SOX5: variants seen among roughly 807,000 people sequenced by gnomAD.
The protein encoded by SOX5 is transcription factor SOX-5.
Under a neutral mutation model 92.0 loss-of-function variants are expected in SOX5, and 9 were observed. The observed-to-expected ratio is 0.10, with a 90% confidence interval of 0.06 to 0.17. The LOEUF is 0.17. Ranked by LOEUF, SOX5 falls within the 10% of genes least tolerant of loss-of-function variation. The pLI, the probability that SOX5 is intolerant of heterozygous loss-of-function variation, is 1.00. For synonymous variants in SOX5, 344 were observed against 336.3 expected (o/e 1.02, Z -0.25); for missense variants, 642 against 944.5 (o/e 0.68, Z 4.20).
At chr12:23,707,322 T>C (rs1344447669) in intron 6 of SOX5, among the ~76,000 whole-genome samples, 1 of 152,144 alleles carries the variant, frequency 6.6e-6, no homozygotes, top group African/African-American at 2.4e-5. Flanking sequence ...TGGCATAGGA[T>C]TGGATTTTTA....
At chr12:24,343,556 G>A (rs1952823949) in intron 2 of SOX5, among the ~76,000 whole-genome samples, 1 of 151,924 alleles carries the variant, frequency 6.6e-6, no homozygotes, top group South Asian at 2.1e-4. Context: ...AGATATCTGT[G>A]GAACTAAGCC....
chr12:23,876,048 T>C (rs2096923495), intron 2 of SOX5, among the ~76,000 whole-genome samples: 1 of 152,214 alleles, frequency 6.6e-6, no homozygotes, highest in South Asian at 2.1e-4. Flanking sequence ...TTGTAGTTTG[T>C]TGACCCCTAA....
At chr12:24,109,072 TAAC>T (rs1947023410) in intron 4 of SOX5, among the ~76,000 whole-genome samples, 1 of 152,188 alleles carries the variant, frequency 6.6e-6, no homozygotes, top group Non-Finnish European at 1.5e-5. Context: ...CCTAATGTTT[TAAC>T]AACATTTTAC....
intron 6 of SOX5, among the ~76,000 whole-genome samples, chr12:23,714,202 A>T (rs1445311230): frequency 6.6e-6 from 1 of 152,138 alleles, no homozygotes; most frequent in African/African-American, 2.4e-5. Context: ...GTACAGAATA[A>T]TTTTTCTTCT....
rs1033005973 is a variant in SOX5, at chr12:23,958,427, A to G, written c.-1-62403T>C. ...TTATGACCTAGTCCAGTATATGGAC[A>G]TCCTAGTCTGCTTCATTAACAATTA... On this transcript the variant is annotated intron_variant, in intron 4 of 4. Transcript: ENST00000446891. Among the ~76,000 whole-genome samples the G allele has an allele frequency of 2.6e-5, 4 of 152,204 alleles. No homozygotes were observed. The East Asian group carries it at 7.7e-4, about 29-fold the overall frequency.
At chr12:24,000,381 T>G (rs1156582107) in intron 4 of SOX5, among the ~76,000 whole-genome samples, 1 of 152,026 alleles carries the variant, frequency 6.6e-6, no homozygotes, top group Non-Finnish European at 1.5e-5. Context: ...TTTCTTAGTA[T>G]ATATGTAAAT....
upstream of SOX5, among the ~76,000 whole-genome samples, chr12:23,952,622 T>C (rs1945799555): frequency 6.6e-6 from 1 of 152,122 alleles, no homozygotes; most frequent in South Asian, 2.1e-4. Flanking sequence ...AAAAGACAAA[T>C]TATTTCTTGC....
At chr12:24,323,309 G>GTA (rs200845678) in intron 2 of SOX5, among the ~76,000 whole-genome samples, 127 of 149,192 alleles carry the variant, frequency 8.5e-4, no homozygotes, top group South Asian at 8.5e-4. Flanking sequence ...ATATATATAT[G>GTA]TATATATATA....
intron 2 of SOX5, among the ~76,000 whole-genome samples, chr12:23,872,778 T>C (rs1419840971): frequency 2.6e-5 from 4 of 152,184 alleles, no homozygotes; most frequent in Admixed American, 6.5e-5. Context: ...GGAAGATCGA[T>C]GTCTTTGAAA....
chr12:24,371,082 C>G (rs931661190), intron 1 of SOX5, among the ~76,000 whole-genome samples: 11 of 152,284 alleles, frequency 7.2e-5, no homozygotes, highest in Admixed American at 2.0e-4. Flanking sequence ...CTACATGACC[C>G]TTACCTAATC....
chr12:23,568,781 A>C (rs1302878254), intron 10 of SOX5, among the ~76,000 whole-genome samples: 1 of 151,968 alleles, frequency 6.6e-6, no homozygotes, highest in Non-Finnish European at 1.5e-5. Flanking sequence ...CATGAAAGCC[A>C]CCTGATATCT....
At chr12:23,922,590 T>A (rs781544581) in intron 1 of SOX5, among the ~76,000 whole-genome samples, 25 of 152,350 alleles carry the variant, frequency 1.6e-4, no homozygotes, top group African/African-American at 5.3e-4. Context: ...TTGAAACCAG[T>A]CTTTAGACGC....
Position 24,017,624 on chromosome 12 carries a change from CAT to C in SOX5, c.-1-121602_-1-121601del, listed in dbSNP as rs562060265. ...CAAAAAATAAAATAAAATAAAATAA[CAT>C]AAAATAAAATGAAATTAAAAAAGAA... On this transcript the variant is annotated intron_variant, in intron 4 of 4. Transcript: ENST00000446891. Among the ~76,000 whole-genome samples the C allele has an allele frequency of 6.0e-3, 913 of 151,612 alleles. 5 individuals carry two copies. Among genetic ancestry groups the C allele is most frequent in the Non-Finnish European group, 8.6e-3 (581 of 67,860 alleles).
At chr12:24,112,105 C>T (rs760882265) in intron 4 of SOX5, among the ~76,000 whole-genome samples, 5 of 152,142 alleles carry the variant, frequency 3.3e-5, no homozygotes, top group African/African-American at 4.8e-5. Context: ...ACCATGGCTT[C>T]GCTATCAAAG....
At chr12:24,455,158 G>A (rs1039432453) in intron 1 of SOX5, among the ~76,000 whole-genome samples, 1 of 152,112 alleles carries the variant, frequency 6.6e-6, no homozygotes, top group Non-Finnish European at 1.5e-5. Flanking sequence ...TACCTTCCCT[G>A]CAGGGTCGCA....
chr12:24,132,190 C>T (rs768373347), intron 4 of SOX5, among the ~76,000 whole-genome samples: 4 of 152,018 alleles, frequency 2.6e-5, no homozygotes, highest in South Asian at 2.1e-4. Flanking sequence ...AATACAGAAA[C>T]GATAGATAAT....
rs551247304 is a variant in SOX5 at position 24,378,231 on chromosome 12, T to A, written c.-250-9592A>T. On this transcript the variant is annotated intron_variant, in intron 1 of 4. Transcript: ENST00000446891. The stretch of plus-strand genomic sequence containing the variant: ...CCTATCCAGGGATACTTTTCAAAGT[T>A]TCTCAAATTTCATTAATAACCGGGG... 7.2e-5 allele frequency among the ~76,000 whole-genome samples: 11 copies of A among 152,332 alleles called. No individual in the cohort carries two copies. The South Asian group carries it at 2.3e-3, about 32-fold the overall frequency.
chr12:24,295,946 C>T (rs1019997499), intron 2 of SOX5, among the ~76,000 whole-genome samples: 3 of 151,968 alleles, frequency 2.0e-5, no homozygotes, highest in Admixed American at 6.6e-5. Context: ...GACCTGTGTG[C>T]GGTATAAAGC....
intron 3 of SOX5, among the ~76,000 whole-genome samples, chr12:24,275,289 A>AT (rs1472774920): frequency 6.6e-6 from 1 of 151,908 alleles, no homozygotes; most frequent in East Asian, 1.9e-4. Context: ...TGTGTTTATT[A>AT]TTTTTTCTAT....
Sources: gnomAD v4.1 joint callset for allele counts (sites outside exome capture counted in the v4.1 genomes callset) on GRCh38, gnomAD v4.1.1 for gene constraint, MANE v1.5 for transcripts, NCBI Gene and HGNC (gene_info 2026-07-23, HGNC 2026-07-21) for gene names.